Variants in ITGB5 observed in about 807,000 individuals in gnomAD.
The protein encoded by ITGB5 is integrin beta-5.
ITGB5 carries 38 observed loss-of-function variants against 84.8 expected under a neutral mutation model. The ratio of observed to expected loss-of-function variants is 0.45; its 90% confidence interval spans 0.35 to 0.59. The LOEUF (loss-of-function observed/expected upper bound fraction) is 0.59, where lower values mean the gene tolerates loss of function less well. ITGB5 is among the 20% of genes least tolerant of loss of function. The probability of loss-of-function intolerance (pLI) is 0.01; values close to 1 mark genes in which losing one functional copy is unlikely to be tolerated. For synonymous variants in ITGB5, 393 were observed against 414.4 expected, an observed-to-expected ratio of 0.95 and a Z score of 0.63; for missense variants, 905 against 1,034.5, an observed-to-expected ratio of 0.87 and a Z score of 1.72.
intron 10 of ITGB5, among the ~76,000 whole-genome samples, chr3:124,778,072 CTT>C (rs1377801485): frequency 1.3e-5 from 2 of 152,218 alleles, no homozygotes; most frequent in Admixed American, 1.3e-4. Flanking sequence ...AGTCAGGACT[CTT>C]CATCAAAACA....
rs769338736 is a variant in ITGB5, at chr3:124,841,364, G to T, written c.780+19C>A. 1.2e-6 allele frequency: 2 copies of T among 1,611,004 alleles called. No individual in the cohort carries two copies. The highest frequency in any genetic ancestry group is 1.7e-6 in the Non-Finnish European group (2 of 1,178,318). On this transcript the variant is annotated intron_variant, in intron 5 of 14. Coordinates refer to ENST00000296181, the MANE Select transcript of ITGB5 (RefSeq NM_002213.5). ...CCTTGACCTCCCCATGCAGGGACAGGACCAGAAAGGAAAGTTACCTTGCAG... is the reference window on the plus strand; with the variant it reads ...CCTTGACCTCCCCATGCAGGGACAGTACCAGAAAGGAAAGTTACCTTGCAG...
chr3:124,793,151 C>G (rs2064173142), intron 10 of ITGB5: 1 of 152,172 alleles, frequency 6.6e-6, no homozygotes, highest in Admixed American at 6.5e-5. Flanking sequence ...TCTTAGGAGA[C>G]AGGAAAAGCC....
chr3:124,822,570 A>T (rs921124242), intron 5 of ITGB5, among the ~76,000 whole-genome samples: 3 of 152,242 alleles, frequency 2.0e-5, no homozygotes, highest in African/African-American at 7.2e-5. Flanking sequence ...CATGGAAATA[A>T]AAAATAAATA....
chr3:124,865,811 T>C (rs1211614368), intron 2 of ITGB5, among the ~76,000 whole-genome samples: 7 of 151,528 alleles, frequency 4.6e-5, no homozygotes, highest in Non-Finnish European at 1.0e-4. Context: ...AGTTACTAAG[T>C]GGTAATAATA....
chr3:124,814,503 GTC>G (rs2064556225), intron 8 of ITGB5, among the ~76,000 whole-genome samples: 2 of 149,874 alleles, frequency 1.3e-5, no homozygotes, highest in Admixed American at 1.3e-4. Context: ...AAGAGACAGA[GTC>G]TCACTCTGTC....
At chr3:124,808,483 AGAGGC>A (rs2107536084) in intron 9 of ITGB5, among the ~76,000 whole-genome samples, 1 of 152,364 alleles carries the variant, frequency 6.6e-6, no homozygotes, top group South Asian at 2.1e-4. Flanking sequence ...GGTTTAGCGC[AGAGGC>A]ACACATCTTC....
At chr3:124,823,464 G>C (rs2064737671) in intron 5 of ITGB5, among the ~76,000 whole-genome samples, 1 of 151,686 alleles carries the variant, frequency 6.6e-6, no homozygotes, top group African/African-American at 2.4e-5. Flanking sequence ...GTCCCTTACT[G>C]CAATGAAATG....
intron 2 of ITGB5, among the ~76,000 whole-genome samples, chr3:124,871,415 C>A (rs964510142): frequency 6.6e-6 from 1 of 152,086 alleles, no homozygotes; most frequent in Admixed American, 6.5e-5. Flanking sequence ...AGGCTGGTCT[C>A]GAACTCCTGA....
chr3:124,794,565 G>C (rs559680100), intron 10 of ITGB5, among the ~76,000 whole-genome samples: 3 of 152,190 alleles, frequency 2.0e-5, no homozygotes, highest in South Asian at 4.2e-4. Flanking sequence ...TGGATCACCT[G>C]AGGTCAGGAC....
intron 1 of ITGB5, among the ~76,000 whole-genome samples, chr3:124,884,811 G>C (rs57913994): frequency 0.022 from 3,333 of 152,246 alleles, 141 homozygotes; most frequent in African/African-American, 0.076. Flanking sequence ...AAAGGGCACT[G>C]GACCAAAAGC....
At position 124,837,466 on chromosome 3, in the gene ITGB5, C is replaced by T. The variant is rs1403204982; in HGVS notation, c.780+3917G>A. ...GGAACAGTGCATTAGAAAAAATGCC[C>T]GCCTTGACGACAGAAGCATCCCTTA... On this transcript the variant is annotated intron_variant, in intron 5 of 14. Transcript: ENST00000296181. 4.6e-5 allele frequency among the ~76,000 whole-genome samples: 7 copies of T among 152,156 alleles called. 1 individual carries two copies. Among genetic ancestry groups the T allele is most frequent in the South Asian group, 2.1e-4 (1 of 4,826 alleles).
At chr3:124,784,020 A>T (rs2064044219) in intron 10 of ITGB5, among the ~76,000 whole-genome samples, 1 of 152,190 alleles carries the variant, frequency 6.6e-6, no homozygotes, top group Non-Finnish European at 1.5e-5. Context: ...TACATGGGGC[A>T]TTCTGTATCT....
intron 8 of ITGB5, 36 bp downstream of exon 8, chr3:124,817,585 G>T: frequency 8.6e-7 from 1 of 1,158,540 alleles, no homozygotes; most frequent in Non-Finnish European, 1.3e-6. Flanking sequence ...GAGGGTGGAA[G>T]GGAGGTGGCA....
rs537243375 is a variant in ITGB5 at position 124,861,051 on chromosome 3, G to A, written c.157-1605C>T. On this transcript the variant is annotated intron_variant, in intron 2 of 14. Coordinates refer to ENST00000296181, the MANE Select transcript of ITGB5 (RefSeq NM_002213.5). ...ACTGCACTCCTGCCTGGGCGACAGA[G>A]CAAGAGCCTGTCTCAGAAAAACAAA... 4.1e-4 allele frequency among the ~76,000 whole-genome samples: 63 copies of A among 152,232 alleles called. 1 individual carries two copies. Among genetic ancestry groups the A allele is most frequent in the Admixed American group, 2.4e-3 (36 of 15,294 alleles).
At chr3:124,834,106 C>T (rs973443604) in intron 5 of ITGB5, among the ~76,000 whole-genome samples, 1 of 152,084 alleles carries the variant, frequency 6.6e-6, no homozygotes, top group African/African-American at 2.4e-5. Flanking sequence ...CAGGGACTTC[C>T]GGGGCAGGGA....
rs777518091 is a variant in ITGB5 at position 124,763,700 on chromosome 3, T to C, written c.2323A>G (p.Arg775Gly). 6.8e-6 allele frequency: 11 copies of C among 1,606,878 alleles called. No individual in the cohort carries two copies. The highest frequency in any genetic ancestry group is 9.4e-6 in the Non-Finnish European group (11 of 1,173,390). Reference protein sequence around the residue: ...RYEMASNPLYRKPISTHTVDF... With the variant: ...RYEMASNPLYGKPISTHTVDF... ...ACAGTGTGCGTGGAGATAGGCTTTC[T>C]GTATAATGGATTTGAAGCCTACAGA... The change falls in exon 15 of 15, where the codon AGA becomes GGA. Residue 775 changes from arginine (R) to glycine (G), a missense_variant. Around this residue, in one of 3 missense-constraint regions of ITGB5, gnomAD observed 133 missense variants for 122.8 expected, o/e 1.08. Coordinates refer to ENST00000296181, the MANE Select transcript of ITGB5 (RefSeq NM_002213.5).
chr3:124,844,176 A>G (rs999152851), intron 4 of ITGB5, among the ~76,000 whole-genome samples: 2 of 149,576 alleles, frequency 1.3e-5, no homozygotes, highest in African/African-American at 2.5e-5. Flanking sequence ...CAATAAATGA[A>G]TGGACCTTTC....
chr3:124,819,712 C>G (rs767830666), intron 7 of ITGB5, 27 bp downstream of exon 7: 51 of 1,537,392 alleles, frequency 3.3e-5, no homozygotes, highest in Non-Finnish European at 4.6e-5. Context: ...CCCCACAAAT[C>G]ACTAGCCTCC....
At chr3:124,798,053 AGC>A (rs2064258149) in intron 9 of ITGB5, among the ~76,000 whole-genome samples, 2 of 90,430 alleles carry the variant, frequency 2.2e-5, no homozygotes, top group African/African-American at 4.9e-5. Flanking sequence ...GCTAGAATAA[AGC>A]TTTTTTTTTT....
Sources: allele counts gnomAD v4.1 joint callset (sites outside exome capture counted in the v4.1 genomes callset), GRCh38; gene constraint gnomAD v4.1.1; regional missense constraint gnomAD v4.1.1; transcripts MANE v1.5; gene names NCBI Gene and HGNC (gene_info 2026-07-23, HGNC 2026-07-21).